The following ZFHX3 variants were observed in gnomAD, a reference collection of about 807,000 sequenced individuals.
The protein encoded by ZFHX3 is zinc finger homeobox protein 3.
ZFHX3 carries 42 observed loss-of-function variants against 279.1 expected under a neutral mutation model. The ratio of observed to expected loss-of-function variants is 0.15; its 90% confidence interval spans 0.12 to 0.19. ZFHX3 has a LOEUF of 0.19. Among genes scored for constraint, ZFHX3 ranks in the 10% least tolerant of loss-of-function variants. The pLI, the probability that ZFHX3 is intolerant of heterozygous loss-of-function variation, is 1.00. For missense variants in ZFHX3, 4,981 were observed against 4,754.0 expected (o/e 1.05, Z -1.40); for synonymous variants, 2,293 against 1,957.8 (o/e 1.17, Z -4.52).
chr16:72,892,510 GTTTT>G (rs34325397), intron 3 of ZFHX3, among the ~76,000 whole-genome samples: 2 of 142,532 alleles, frequency 1.4e-5, no homozygotes, highest in African/African-American at 5.1e-5. Context: ...TTATTTATTG[GTTTT>G]TTTTTTTTTT....
chr16:72,951,165 C>T (rs985906295), intron 2 of ZFHX3, among the ~76,000 whole-genome samples, 200 bp from the exon 3 acceptor site: 1 of 152,134 alleles, frequency 6.6e-6, no homozygotes, highest in Non-Finnish European at 1.5e-5. Context: ...ATCTTTCCTG[C>T]GGACATTCTG....
At chr16:73,013,703 C>A (rs1404632058) in intron 1 of ZFHX3, among the ~76,000 whole-genome samples, 3 of 152,240 alleles carry the variant, frequency 2.0e-5, no homozygotes, top group Admixed American at 1.3e-4. Flanking sequence ...GGAGAGGCCA[C>A]CAAATTTCAT....
chr16:73,102,270 C>T (rs1246955256), intron 7 of ZFHX3, among the ~76,000 whole-genome samples: 2 of 152,294 alleles, frequency 1.3e-5, no homozygotes, highest in East Asian at 3.9e-4. Flanking sequence ...TTCACCTGAG[C>T]TCACCTCGAG....
chr16:73,241,409 T>G (rs920670681), intron 5 of ZFHX3, among the ~76,000 whole-genome samples: 6 of 152,140 alleles, frequency 3.9e-5, no homozygotes, highest in Non-Finnish European at 7.4e-5. Flanking sequence ...GTACATGTGT[T>G]TTAGATGTCA....
intron 3 of ZFHX3, among the ~76,000 whole-genome samples, chr16:73,390,412 G>C (rs916907549): frequency 6.6e-6 from 1 of 152,076 alleles, no homozygotes; most frequent in African/African-American, 2.4e-5. Context: ...ACAGGCACAG[G>C]GTAGCCCCAT....
chr16:73,637,750 G>A (rs942592244), intron 2 of ZFHX3, among the ~76,000 whole-genome samples: 3 of 151,316 alleles, frequency 2.0e-5, no homozygotes, highest in African/African-American at 7.3e-5. Flanking sequence ...AATATTATAT[G>A]AACAAATTGA....
At chr16:73,066,612 G>A (rs1965757489) in intron 8 of ZFHX3, among the ~76,000 whole-genome samples, 1 of 152,162 alleles carries the variant, frequency 6.6e-6, no homozygotes, top group African/African-American at 2.4e-5. Flanking sequence ...AGGCCCGGGC[G>A]GAGCAATTCG....
chr16:73,296,877 A>ATGTTTTTTT lies in ZFHX3; in HGVS notation c.-1194+21362_-1194+21363insAAAAAAACA, dbSNP rs755308796. ...TTTATAATTGCCATGTGAAGCAGGA[A>ATGTTTTTTT]TTTTTTTTTTTTTTTTTTTGAGACG... On this transcript the variant is annotated intron_variant, in intron 4 of 17. Transcript: ENST00000641206. 3.5e-3 allele frequency among the ~76,000 whole-genome samples: 403 copies of ATGTTTTTTT among 116,052 alleles called. 39 individuals are homozygous for ATGTTTTTTT. Among genetic ancestry groups the ATGTTTTTTT allele is most frequent in the African/African-American group, 0.012 (353 of 28,708 alleles). The allele number at this position is 116,052 out of a possible 152,430, so 76.1% of individuals were successfully genotyped here. A position where few individuals can be genotyped will look rare whatever the true frequency, so the allele number is the denominator to read the frequency against.
chr16:73,352,761 C>G (rs2016270977), intron 3 of ZFHX3, among the ~76,000 whole-genome samples: 1 of 152,122 alleles, frequency 6.6e-6, no homozygotes. Context: ...GTAAGGGACA[C>G]AACTAGCCAC....
At chr16:73,128,562 G>T (rs950919494) in intron 7 of ZFHX3, among the ~76,000 whole-genome samples, 1 of 151,538 alleles carries the variant, frequency 6.6e-6, no homozygotes, top group African/African-American at 2.4e-5. Context: ...CTCAGCTTGG[G>T]TACTTAATAA....
chr16:73,378,049 A>C lies in ZFHX3; in HGVS notation c.-1290-59713T>G, dbSNP rs1336785324. On this transcript the variant is annotated intron_variant, in intron 3 of 17. Transcript: ENST00000641206. ...CTGTCTCAAAAAAAAAAAAAAAAAA[A>C]AAAAAAAAAAAAAAAAAAAATCTTA... is the stretch of plus-strand genomic sequence containing the variant. Among the ~76,000 whole-genome samples the C allele has an allele frequency of 3.6e-4, 42 of 116,328 alleles. 2 individuals carry two copies. Among genetic ancestry groups the C allele is most frequent in the East Asian group, 7.1e-4 (3 of 4,236 alleles). 76.3% of individuals were successfully genotyped at this position (116,328 alleles called of 152,430 possible). A position where few individuals can be genotyped will look rare whatever the true frequency, so the allele number is the denominator to read the frequency against.
At chr16:72,991,017 G>C (rs1472208010) in intron 1 of ZFHX3, among the ~76,000 whole-genome samples, 3 of 151,790 alleles carry the variant, frequency 2.0e-5, no homozygotes, top group Non-Finnish European at 2.9e-5. Context: ...AGAGAGAAAT[G>C]GGTTAATGAC....
chr16:73,474,505 A>G (rs1037861943), intron 2 of ZFHX3, among the ~76,000 whole-genome samples: 5 of 152,260 alleles, frequency 3.3e-5, no homozygotes, highest in African/African-American at 9.6e-5. Flanking sequence ...GCATTTTTAT[A>G]TAAAACTCCA....
At chr16:72,854,606 A>G (rs1488825741) in intron 4 of ZFHX3, among the ~76,000 whole-genome samples, 2 of 152,140 alleles carry the variant, frequency 1.3e-5, no homozygotes, top group Non-Finnish European at 2.9e-5. Context: ...TTCCCAAACA[A>G]TAAGGGGGGA....
At chr16:73,649,541 T>TTATA (rs1248370671) in intron 2 of ZFHX3, among the ~76,000 whole-genome samples, 2 of 152,204 alleles carry the variant, frequency 1.3e-5, no homozygotes, top group Non-Finnish European at 2.9e-5. Flanking sequence ...TTTTGCTTAT[T>TTATA]TATATATCCT....
rs1159079077 is a variant in ZFHX3, at chr16:72,785,250, A to C, written c.*1914T>G. The C allele has an allele frequency of 6.6e-6, 1 of 152,338 alleles. No homozygotes were observed. The highest frequency in any genetic ancestry group is 2.4e-5 in the African/African-American group (1 of 41,438). 9.4% of individuals were successfully genotyped at this position (152,338 alleles called of 1,614,324 possible). The stretch of plus-strand genomic sequence containing the variant: ...TTATTTATTTTTCTTTTTACATGAG[A>C]AAGGGTGTGTGTTAACAGGAATATG... On this transcript the variant is annotated 3_prime_UTR_variant, in exon 10 of 10. Coordinates refer to ENST00000268489, the MANE Select transcript of ZFHX3 (RefSeq NM_006885.4).
chr16:73,547,866 G>T (rs554516673), intron 2 of ZFHX3, among the ~76,000 whole-genome samples: 1 of 152,154 alleles, frequency 6.6e-6, no homozygotes, highest in African/African-American at 2.4e-5. Flanking sequence ...TGGTTTTCCT[G>T]ATTACTTTGG....
chr16:73,735,425 C>T (rs1257225012), intron 1 of ZFHX3, among the ~76,000 whole-genome samples: 1 of 151,336 alleles, frequency 6.6e-6, no homozygotes, highest in Non-Finnish European at 1.5e-5. Context: ...CTCCCCTCTC[C>T]CCAGTCCTTG....
chr16:73,099,200 A>G (rs1966201547), intron 7 of ZFHX3: 1 of 152,188 alleles, frequency 6.6e-6, no homozygotes, highest in Non-Finnish European at 1.5e-5. Context: ...ATATGCAAAT[A>G]TTCTGAGAGC....
Sources: allele counts gnomAD v4.1 joint callset (sites outside exome capture counted in the v4.1 genomes callset), GRCh38; gene constraint gnomAD v4.1.1; transcripts MANE v1.5; gene names NCBI Gene and HGNC (gene_info 2026-07-23, HGNC 2026-07-21).